BTBD9: variants seen among roughly 807,000 people sequenced by gnomAD.
The protein encoded by BTBD9 is BTB/POZ domain-containing protein 9.
A neutral mutation model predicts 64.3 loss-of-function variants in BTBD9; 49 were observed. The observed-to-expected ratio is 0.76, with a 90% CI of 0.61 to 0.97. The LOEUF (loss-of-function observed/expected upper bound fraction) is 0.97, where lower values mean the gene tolerates loss of function less well. Ranked by LOEUF, BTBD9 falls within the 50% of genes least tolerant of loss-of-function variation. The pLI is 0.00. For synonymous variants in BTBD9, 260 were observed against 274.7 expected, an observed-to-expected ratio of 0.95 and a Z score of 0.53; for missense variants, 598 against 762.1, an observed-to-expected ratio of 0.78 and a Z score of 2.53.
At chr6:38,566,702 A>G (rs1346264294) in intron 6 of BTBD9, among the ~76,000 whole-genome samples, 1 of 152,202 alleles carries the variant, frequency 6.6e-6, no homozygotes, top group African/African-American at 2.4e-5. Flanking sequence ...TGTGTGTAAG[A>G]GCTGAATATG....
rs374203427 is a variant in BTBD9, at chr6:38,251,264, A to ATTT, written c.1562+5142_1562+5144dup. Among the ~76,000 whole-genome samples, 287 of 139,418 alleles carry ATTT rather than the reference A, an allele frequency of 2.1e-3. 1 individual carries two copies. Among genetic ancestry groups the ATTT allele is most frequent in the African/African-American group, 7.3e-3 (277 of 38,056 alleles). The allele number at this position is 139,418 out of a possible 152,430, so 91.5% of individuals were successfully genotyped here. On this transcript the variant is annotated intron_variant, in intron 9 of 10. Transcript: ENST00000481247. The stretch of plus-strand genomic sequence containing the variant: ...TTGTTAAGTTAATAAAAGAGGTGTG[A>ATTT]TTTTTTTTTTTTTTTTTAAAGATGG...
chr6:38,558,088 T>C (rs1352135223), intron 6 of BTBD9, among the ~76,000 whole-genome samples: 1 of 152,058 alleles, frequency 6.6e-6, no homozygotes, highest in Non-Finnish European at 1.5e-5. Flanking sequence ...AGTAAGACCC[T>C]ATATCTAGAA....
chr6:38,412,860 AAAC>A (rs138382985), intron 6 of BTBD9, among the ~76,000 whole-genome samples: 70,499 of 113,052 alleles, frequency 0.62, 16,739 homozygotes, highest in East Asian at 0.72. Flanking sequence ...CTCCATCTCA[AAAC>A]AACAACAACA....
chr6:38,388,120 GA>G (rs1766257744), intron 6 of BTBD9, among the ~76,000 whole-genome samples: 1 of 151,330 alleles, frequency 6.6e-6, no homozygotes, highest in South Asian at 2.1e-4. Context: ...CTGGTTTTAT[GA>G]TGCTCTTGCT....
intron 6 of BTBD9, among the ~76,000 whole-genome samples, chr6:38,473,438 T>C (rs1334516970): frequency 1.3e-5 from 2 of 152,234 alleles, no homozygotes; most frequent in Non-Finnish European, 2.9e-5. Flanking sequence ...ATTGGATTCA[T>C]TTCTTTCCCA....
At position 38,374,283 on chromosome 6, in the gene BTBD9, G is replaced by GTATATATATATATA. The variant is rs57568036; in HGVS notation, c.1155-29191_1155-29190insTATATATATATATA. ...GGCCTTGTGTCGAAAAAAAAAAAAA[G>GTATATATATATATA]TATATATATATATGTATATATATGT... On this transcript the variant is annotated intron_variant, in intron 6 of 10. Transcript: ENST00000481247. 5.7e-4 allele frequency among the ~76,000 whole-genome samples: 26 copies of GTATATATATATATA among 45,452 alleles called. 1 individual carries two copies. The highest frequency in any genetic ancestry group is 1.6e-3 in the African/African-American group (10 of 6,196). The allele number at this position is 45,452 out of a possible 152,430, so 29.8% of individuals were successfully genotyped here. A position where few individuals can be genotyped will look rare whatever the true frequency, so the allele number is the denominator to read the frequency against.
intron 6 of BTBD9, among the ~76,000 whole-genome samples, chr6:38,530,448 G>T (rs944331047): frequency 2.0e-5 from 3 of 152,022 alleles, no homozygotes; most frequent in African/African-American, 7.3e-5. Context: ...AAACTTGCTG[G>T]TCTGAGACTC....
At chr6:38,217,904 C>G (rs1292798381) in intron 9 of BTBD9, among the ~76,000 whole-genome samples, 1 of 152,038 alleles carries the variant, frequency 6.6e-6, no homozygotes, top group Non-Finnish European at 1.5e-5. Context: ...AAGGTAAGGC[C>G]TTACCCTGCT....
intron 9 of BTBD9, among the ~76,000 whole-genome samples, chr6:38,231,299 G>T (rs558492389): frequency 1.2e-4 from 19 of 152,150 alleles, no homozygotes; most frequent in Non-Finnish European, 2.6e-4. Flanking sequence ...TGCATTATGT[G>T]GGATAACACA....
At chr6:38,273,319 T>C (rs184814682) in intron 8 of BTBD9, among the ~76,000 whole-genome samples, 1 of 152,222 alleles carries the variant, frequency 6.6e-6, no homozygotes, top group South Asian at 2.1e-4. Flanking sequence ...AATCCACAGA[T>C]AGTATACAAC....
chr6:38,333,148 T>C (rs1368454839), intron 7 of BTBD9, among the ~76,000 whole-genome samples: 17 of 152,210 alleles, frequency 1.1e-4, no homozygotes, highest in Admixed American at 9.8e-4. Flanking sequence ...ATGCAGATGC[T>C]GGCCATGTAA....
intron 9 of BTBD9, among the ~76,000 whole-genome samples, chr6:38,194,021 T>C (rs544166886): frequency 2.0e-5 from 3 of 151,974 alleles, no homozygotes; most frequent in Non-Finnish European, 4.4e-5. Context: ...TATTCACACA[T>C]GAAGGTGACG....
chr6:38,511,410 G>A lies in BTBD9; in HGVS notation c.1154+66190C>T, dbSNP rs1300263081. ...CAGGCTGGAGTGCAGTGGCATGATC[G>A]TGGGTCACTGCAGCCTTGACCTCCT... On this transcript the variant is annotated intron_variant, in intron 6 of 10. Transcript: ENST00000481247. Among the ~76,000 whole-genome samples, 7 of 141,842 alleles carry A rather than the reference G, an allele frequency of 4.9e-5. No individual in the cohort carries two copies. The South Asian group carries it at 1.1e-3, about 23-fold the overall frequency. The allele number at this position is 141,842 out of a possible 152,430, so 93.1% of individuals were successfully genotyped here.
Position 38,270,478 on chromosome 6 carries a change from T to C in BTBD9, c.1455-13962A>G, listed in dbSNP as rs868631896. Among the ~76,000 whole-genome samples the C allele has an allele frequency of 5.3e-5, 8 of 152,146 alleles. No homozygotes were observed. The South Asian group carries it at 6.2e-4, about 12-fold the overall frequency. Reference sequence around the variant, plus strand: ...CAGATTTCTCAGGATCCTCCCACTCTGGCACTGAATCCCCAAGAGCCAGCA... The same window carrying C: ...CAGATTTCTCAGGATCCTCCCACTCCGGCACTGAATCCCCAAGAGCCAGCA... On this transcript the variant is annotated intron_variant, in intron 8 of 10. Coordinates refer to ENST00000481247, the MANE Select transcript of BTBD9 (RefSeq NM_001099272.2).
At chr6:38,288,632 T>C (rs945431178) in intron 7 of BTBD9, among the ~76,000 whole-genome samples, 171 bp from the exon 8 acceptor site, 2 of 152,212 alleles carry the variant, frequency 1.3e-5, no homozygotes, top group Admixed American at 1.3e-4. Context: ...CAAATAGCTT[T>C]TTAAAAAATG....
At position 38,437,649 on chromosome 6, in the gene BTBD9, T is replaced by C. The variant is rs530196297; in HGVS notation, c.1155-92556A>G. 2.6e-5 allele frequency among the ~76,000 whole-genome samples: 4 copies of C among 152,346 alleles called. No homozygotes were observed. In the East Asian group the frequency reaches 7.7e-4, roughly 29 times the overall value. ...ATACCCCAGACATATCTGTCTTACT[T>C]TGTAATGCTTGTAAGGATTCCAGGC... On this transcript the variant is annotated intron_variant, in intron 6 of 10. Transcript: ENST00000481247.
intron 4 of BTBD9, chr6:38,587,774 C>A: frequency 4.2e-6 from 3 of 705,888 alleles, no homozygotes; most frequent in South Asian, 1.4e-5. Flanking sequence ...GAAAAGCCTG[C>A]TTCTTCGGAT....
At chr6:38,282,935 A>G (rs989529997) in intron 8 of BTBD9, among the ~76,000 whole-genome samples, 1 of 152,204 alleles carries the variant, frequency 6.6e-6, no homozygotes, top group Admixed American at 6.5e-5. Context: ...CAACCCCACT[A>G]GAATGTCAGT....
intron 8 of BTBD9, among the ~76,000 whole-genome samples, chr6:38,266,614 GAAAGAAA>G (rs758880306): frequency 0.017 from 164 of 9,780 alleles, 1 homozygote; most frequent in South Asian, 0.039. Context: ...AGGAAAGAAA[GAAAGAAA>G]GAAAGAAAGA....
Sources: gnomAD v4.1 joint callset for allele counts (sites outside exome capture counted in the v4.1 genomes callset) on GRCh38, gnomAD v4.1.1 for gene constraint, MANE v1.5 for transcripts, NCBI Gene and HGNC (gene_info 2026-07-23, HGNC 2026-07-21) for gene names.